Variants in XPO5 observed in about 807,000 individuals in gnomAD.
XPO5 encodes exportin 5.
Under a neutral mutation model 160.6 loss-of-function variants are expected in XPO5, and 46 were observed. The observed-to-expected ratio is 0.29, with a 90% CI of 0.23 to 0.37. XPO5 has a LOEUF of 0.37. XPO5 is among the 10% of genes least tolerant of loss of function. The pLI is 1.00. For synonymous variants in XPO5, 537 were observed against 519.3 expected, an observed-to-expected ratio of 1.03 and a Z score of -0.46; for missense variants, 1,090 against 1,463.9, an observed-to-expected ratio of 0.74 and a Z score of 4.17.
Position 43,539,992 on chromosome 6 carries a change from C to T in XPO5, c.2343-5985G>A, listed in dbSNP as rs371967361. Among the ~76,000 whole-genome samples the T allele has an allele frequency of 7.9e-5, 12 of 152,366 alleles. No homozygotes were observed. In the South Asian group the frequency reaches 1.0e-3, roughly 13 times the overall value. On this transcript the variant is annotated intron_variant, in intron 20 of 31. Transcript: ENST00000265351. ...AGACGGGGCTGGGCACAGTGGCTCA[C>T]GCCTATAATCCCAATACTTTGGGAG... is the stretch of plus-strand genomic sequence containing the variant.
chr6:43,535,514 A>T (rs1794259943), intron 20 of XPO5, among the ~76,000 whole-genome samples: 1 of 152,106 alleles, frequency 6.6e-6, no homozygotes, highest in Non-Finnish European at 1.5e-5. Context: ...CATCTTTCAG[A>T]CCATGTTTAA....
intron 20 of XPO5, among the ~76,000 whole-genome samples, chr6:43,538,128 C>A: frequency 7.1e-6 from 1 of 139,870 alleles, no homozygotes; most frequent in African/African-American, 2.7e-5. Flanking sequence ...AATTTAGAGC[C>A]TAAGAGACAT....
chr6:43,544,430 A>G (rs1177889187), intron 20 of XPO5, among the ~76,000 whole-genome samples: 5 of 152,196 alleles, frequency 3.3e-5, no homozygotes, highest in Admixed American at 1.3e-4. Context: ...TTAAAAAAAG[A>G]AAATTATATA....
chr6:43,555,480 A>G (rs907289035), intron 13 of XPO5: 4 of 176,158 alleles, frequency 2.3e-5, no homozygotes, highest in Non-Finnish European at 4.9e-5. Context: ...GTGCTATGCA[A>G]GACTTTGGCT....
chr6:43,551,563 C>T, intron 14 of XPO5, 110 bp from the exon 15 acceptor site: 1 of 1,375,488 alleles, frequency 7.3e-7, no homozygotes, highest in Non-Finnish European at 1.0e-6. Flanking sequence ...CATTCTGTCA[C>T]CTAGGCTGGA....
chr6:43,560,101 G>A, intron 11 of XPO5, 77 bp downstream of exon 11: 1 of 1,517,682 alleles, frequency 6.6e-7, no homozygotes, highest in Non-Finnish European at 8.9e-7. Context: ...TTATAGGCGT[G>A]AGCCACCGCA....
Position 43,547,638 on chromosome 6 carries a change from C to T in XPO5, c.2130G>A (p.Leu710=), listed in dbSNP as rs374599969. The T allele has an allele frequency of 9.9e-6, 16 of 1,613,946 alleles. No individual in the cohort carries two copies. The highest frequency in any genetic ancestry group is 9.3e-5 in the African/African-American group (7 of 74,954). The change falls in exon 19 of 32, where the codon CTG becomes CTA. Residue 710 remains leucine, a synonymous_variant. Coordinates refer to ENST00000265351, the MANE Select transcript of XPO5 (RefSeq NM_020750.3). The part of the protein sequence containing the change: ...GTDQKSCDPG[L]EDPCGLNRAR... ...CACGGTTTAAGCCACACGGATCCTC[C>T]AGGCCTGGGTCACAGCTCTTCTGAT... is the stretch of plus-strand genomic sequence containing the variant.
intron 20 of XPO5, among the ~76,000 whole-genome samples, chr6:43,537,804 C>A (rs3204712): frequency 0.054 from 8,271 of 152,122 alleles, 326 homozygotes; most frequent in African/African-American, 0.11. Context: ...TGGTAGCTCA[C>A]GGCTGTAATC....
chr6:43,528,853 C>T lies in XPO5; in HGVS notation c.2750G>A (p.Gly917Glu). ...HYEALVSPILGPLFTYLHMRL... is the reference protein window; with the variant it reads ...HYEALVSPILEPLFTYLHMRL... ...CATATGGAGGTAGGTGAAAAGAGGT[C>T]CGAGGATGGGGGATACCAGGGCTTC... The change falls in exon 24 of 32, where the codon GGA becomes GAA. Residue 917 changes from glycine to glutamate, a missense_variant. This residue lies in a region of XPO5 where 810 missense variants were observed against 1,139.0 expected (regional missense o/e 0.71). Transcript: ENST00000265351. 2 of 1,613,866 alleles carry T rather than the reference C, an allele frequency of 1.2e-6. No homozygotes were observed. Among genetic ancestry groups the T allele is most frequent in the Non-Finnish European group, 1.7e-6 (2 of 1,179,856 alleles).
chr6:43,527,537 A>G, intron 26 of XPO5, 97 bp downstream of exon 26: 1 of 1,248,866 alleles, frequency 8.0e-7, no homozygotes, highest in South Asian at 1.3e-5. Context: ...GCAAACATGA[A>G]TCCTTTGCAT....
intron 20 of XPO5, among the ~76,000 whole-genome samples, chr6:43,540,254 C>T (rs947635482): frequency 3.9e-5 from 6 of 152,130 alleles, no homozygotes; most frequent in South Asian, 2.1e-4. Context: ...CCAGGCCGGG[C>T]GGATCACGAG....
Position 43,526,746 on chromosome 6 carries a change from C to A in XPO5, c.2922G>T (p.Thr974=). Residue 974 remains threonine, a splice_region_variant and synonymous_variant, in exon 27 of 32, where the codon ACG becomes ACT. Coordinates refer to ENST00000265351, the MANE Select transcript of XPO5 (RefSeq NM_020750.3). ...MLTREVMDLI[T]VCCVSKKGAD... is the part of the protein sequence containing the mutation. ...CACCCTTCTTTGAAACACAGCAAACCGCTAAAGCAAGAAAGCAGGGTTACT... is the reference window on the plus strand; with the variant it reads ...CACCCTTCTTTGAAACACAGCAAACAGCTAAAGCAAGAAAGCAGGGTTACT... The A allele has an allele frequency of 1.9e-6, 3 of 1,613,666 alleles. No individual in the cohort carries two copies. Among genetic ancestry groups the A allele is most frequent in the Non-Finnish European group, 2.5e-6 (3 of 1,179,790 alleles).
At chr6:43,550,127 C>T (rs761411954) in intron 15 of XPO5, among the ~76,000 whole-genome samples, 193 bp from the exon 16 acceptor site, 11 of 152,154 alleles carry the variant, frequency 7.2e-5, no homozygotes, top group Admixed American at 2.6e-4. Flanking sequence ...CAAGAGTCAT[C>T]GGAGTCACAA....
chr6:43,557,353 G>C (rs1036301917), intron 12 of XPO5, among the ~76,000 whole-genome samples: 1 of 151,078 alleles, frequency 6.6e-6, no homozygotes, highest in African/African-American at 2.4e-5. Flanking sequence ...TTGAATCCGG[G>C]AGGCAGAGGT....
At position 43,527,587 on chromosome 6, in the gene XPO5, T is replaced by C. The variant is rs373706491; in HGVS notation, c.2920+47A>G. 2.0e-4 allele frequency: 315 copies of C among 1,599,600 alleles called. No individual in the cohort carries two copies. In the African/African-American group the frequency reaches 4.0e-3, roughly 20 times the overall value. On this transcript the variant is annotated intron_variant, in intron 26 of 31. Transcript: ENST00000265351. ...TGGAGTTGGCTGAGCGACCAGCTCTTCTTCCAGGAAAATCCTCTATAGCCC... is the reference window on the plus strand; with the variant it reads ...TGGAGTTGGCTGAGCGACCAGCTCTCCTTCCAGGAAAATCCTCTATAGCCC...
intron 20 of XPO5, among the ~76,000 whole-genome samples, chr6:43,545,562 CCAGGAGTGGTGGTGCA>C (rs1794923001): frequency 6.6e-6 from 1 of 151,990 alleles, no homozygotes; most frequent in Non-Finnish European, 1.5e-5. Flanking sequence ...CAAAAATTAG[CCAGGAGTGGTGGTGCA>C]CACCTGTAGT....
chr6:43,530,457 G>A (rs923995179), intron 23 of XPO5, among the ~76,000 whole-genome samples: 3 of 151,970 alleles, frequency 2.0e-5, no homozygotes, highest in Non-Finnish European at 2.9e-5. Context: ...TAATAATTCC[G>A]AGAAGGGGGA....
chr6:43,537,240 G>A (rs1794396096), intron 20 of XPO5, among the ~76,000 whole-genome samples: 1 of 150,736 alleles, frequency 6.6e-6, no homozygotes, highest in African/African-American at 2.5e-5. Flanking sequence ...CCAAAGTGCT[G>A]AAATTATAGG....
intron 23 of XPO5, chr6:43,529,377 C>CAA: frequency 2.8e-5 from 3 of 108,306 alleles, no homozygotes; most frequent in South Asian, 1.2e-4. Context: ...CCCGTCTCTA[C>CAA]TAAAAAAAAA....
Sources: gnomAD v4.1 joint callset for allele counts (sites outside exome capture counted in the v4.1 genomes callset) on GRCh38, gnomAD v4.1.1 for gene constraint, gnomAD v4.1.1 regional missense constraint, MANE v1.5 for transcripts, NCBI Gene and HGNC (gene_info 2026-07-23, HGNC 2026-07-21) for gene names.